Variants in ZMAT4 observed in about 807,000 individuals in gnomAD.
The protein encoded by ZMAT4 is zinc finger matrin-type protein 4.
A neutral mutation model predicts 28.7 loss-of-function variants in ZMAT4; 17 were observed. The ratio of observed to expected loss-of-function variants is 0.59; its 90% CI spans 0.41 to 0.89. The LOEUF is 0.89. ZMAT4 is among the 40% of genes least tolerant of loss of function. The probability of loss-of-function intolerance (pLI) is 0.00; values close to 1 mark genes in which losing one functional copy is unlikely to be tolerated. For synonymous variants in ZMAT4, 117 were observed against 109.2 expected, an observed-to-expected ratio of 1.07 and a Z score of -0.44; for missense variants, 240 against 283.8, an observed-to-expected ratio of 0.85 and a Z score of 1.11.
chr8:40,820,478 ATGTGTATGTGTGTATATG>A (rs926342715), intron 2 of ZMAT4, among the ~76,000 whole-genome samples: 14 of 146,240 alleles, frequency 9.6e-5, no homozygotes, highest in African/African-American at 3.3e-4. Context: ...ATGTGTGTTT[ATGTGTATGTGTGTATATG>A]TGTGTATGTG....
At chr8:40,612,931 G>A (rs888191139) in intron 5 of ZMAT4, among the ~76,000 whole-genome samples, 6 of 150,656 alleles carry the variant, frequency 4.0e-5, no homozygotes, top group Non-Finnish European at 8.8e-5. Context: ...TCCTGCCTCA[G>A]CCTCCTAAGT....
At chr8:40,808,260 AT>A (rs75523860) in intron 2 of ZMAT4, among the ~76,000 whole-genome samples, 7 of 151,640 alleles carry the variant, frequency 4.6e-5, no homozygotes, top group African/African-American at 9.7e-5. Context: ...TAAGAAAATA[AT>A]TTTTTTTCTT....
chr8:40,711,558 A>G (rs904466972), intron 3 of ZMAT4, among the ~76,000 whole-genome samples: 4 of 152,262 alleles, frequency 2.6e-5, no homozygotes, highest in African/African-American at 9.6e-5. Context: ...GTACACAATC[A>G]GCAAAACCTA....
intron 3 of ZMAT4, among the ~76,000 whole-genome samples, chr8:40,748,142 T>C (rs187451192): frequency 1.3e-3 from 199 of 152,330 alleles, no homozygotes; most frequent in African/African-American, 4.4e-3. Flanking sequence ...AATGCCTTTT[T>C]CCATCAGGAA....
chr8:40,740,038 C>A (rs549398266), intron 3 of ZMAT4, among the ~76,000 whole-genome samples: 3 of 152,164 alleles, frequency 2.0e-5, no homozygotes, highest in Non-Finnish European at 4.4e-5. Context: ...TTTATCCAGT[C>A]TACCATTGAT....
chr8:40,760,003 A>T (rs889998033), intron 3 of ZMAT4, among the ~76,000 whole-genome samples: 9 of 152,134 alleles, frequency 5.9e-5, no homozygotes, highest in Non-Finnish European at 1.2e-4. Flanking sequence ...ACGCAGCCTG[A>T]CCAAACTTTG....
rs111843468 is a variant in ZMAT4, at chr8:40,829,628, C to T, written c.-4-3948G>A. Among the ~76,000 whole-genome samples, 1,084 of 152,302 alleles carry T rather than the reference C, an allele frequency of 7.1e-3. 6 individuals carry two copies. The highest frequency in any genetic ancestry group is 0.011 in the Non-Finnish European group (728 of 68,026). ...CACAACCCCTGTCTTCCAAATCTTG[C>T]TGAGCTACTGAGTAAGAAGAGACAT... On this transcript the variant is annotated intron_variant, in intron 1 of 6. Transcript: ENST00000297737.
At chr8:40,827,423 T>C (rs1816102907) in intron 1 of ZMAT4, among the ~76,000 whole-genome samples, 1 of 152,200 alleles carries the variant, frequency 6.6e-6, no homozygotes. Flanking sequence ...CTGTGTAAAG[T>C]AAAGTGAACT....
At chr8:40,864,896 C>T (rs190784079) in intron 1 of ZMAT4, among the ~76,000 whole-genome samples, 6 of 152,170 alleles carry the variant, frequency 3.9e-5, no homozygotes, top group Non-Finnish European at 7.4e-5. Flanking sequence ...TTATGAGGTA[C>T]GAAGTTCCTA....
At chr8:40,710,935 C>T (rs1810588718) in intron 3 of ZMAT4, among the ~76,000 whole-genome samples, 1 of 152,010 alleles carries the variant, frequency 6.6e-6, no homozygotes, top group Non-Finnish European at 1.5e-5. Flanking sequence ...CACGTGCCAC[C>T]ACACCCAGAT....
At chr8:40,833,535 T>C (rs979826389) in intron 1 of ZMAT4, among the ~76,000 whole-genome samples, 7 of 82,624 alleles carry the variant, frequency 8.5e-5, no homozygotes, top group East Asian at 4.0e-4. Context: ...ACCACTACAC[T>C]CCAGCAAAAA....
At chr8:40,695,270 C>G (rs1236223445) in intron 4 of ZMAT4, among the ~76,000 whole-genome samples, 1 of 152,198 alleles carries the variant, frequency 6.6e-6, no homozygotes, top group South Asian at 2.1e-4. Context: ...TTTCTCTGCT[C>G]CCTGCCAACA....
chr8:40,837,172 T>C, intron 1 of ZMAT4, among the ~76,000 whole-genome samples: 1 of 152,250 alleles, frequency 6.6e-6, no homozygotes, highest in East Asian at 1.9e-4. Context: ...AATTGAGTTC[T>C]GGCTGATGAA....
chr8:40,751,742 C>T (rs566533703), intron 3 of ZMAT4, among the ~76,000 whole-genome samples: 6 of 151,958 alleles, frequency 3.9e-5, no homozygotes, highest in Admixed American at 6.6e-5. Context: ...AGGATGACTT[C>T]GATAGGTGTA....
intron 1 of ZMAT4, among the ~76,000 whole-genome samples, chr8:40,876,741 G>A (rs1352947004): frequency 6.6e-6 from 1 of 152,206 alleles, no homozygotes; most frequent in Non-Finnish European, 1.5e-5. Context: ...TAAGGCTTCT[G>A]ATCAGTAGTA....
At chr8:40,741,969 T>C (rs1254036004) in intron 3 of ZMAT4, among the ~76,000 whole-genome samples, 2 of 152,198 alleles carry the variant, frequency 1.3e-5, no homozygotes, top group Non-Finnish European at 2.9e-5. Flanking sequence ...CCAGGTATGA[T>C]GGCTTACGCC....
At chr8:40,706,925 C>A (rs556889398) in intron 3 of ZMAT4, among the ~76,000 whole-genome samples, 1 of 152,234 alleles carries the variant, frequency 6.6e-6, no homozygotes, top group African/African-American at 2.4e-5. Flanking sequence ...TAAGCTCCTT[C>A]CCTATCTATC....
At chr8:40,664,461 A>T (rs1263336749) in intron 5 of ZMAT4, among the ~76,000 whole-genome samples, 1 of 152,150 alleles carries the variant, frequency 6.6e-6, no homozygotes, top group Non-Finnish European at 1.5e-5. Context: ...TCCAAGTATA[A>T]TTTCCATTAT....
chr8:40,662,746 A>G (rs1585840451), intron 5 of ZMAT4, among the ~76,000 whole-genome samples: 1 of 152,156 alleles, frequency 6.6e-6, no homozygotes, highest in Admixed American at 6.5e-5. Context: ...CATGTTACTC[A>G]TTACATTTCT....
Sources: gnomAD v4.1 joint callset for allele counts (sites outside exome capture counted in the v4.1 genomes callset) on GRCh38, gnomAD v4.1.1 for gene constraint, MANE v1.5 for transcripts, NCBI Gene and HGNC (gene_info 2026-07-23, HGNC 2026-07-21) for gene names.